MOK: variants seen among roughly 807,000 people sequenced by gnomAD.
MOK encodes MOK protein kinase.
A neutral mutation model predicts 54.2 loss-of-function variants in MOK; 59 were observed. That is an observed-to-expected ratio of 1.09 (90% CI 0.88 to 1.35). MOK has a LOEUF of 1.35. Ranked by LOEUF, MOK falls within the 40% of genes most tolerant of loss-of-function variation. MOK has a pLI of 0.00. For synonymous variants in MOK, 210 were observed against 202.7 expected, an observed-to-expected ratio of 1.04 and a Z score of -0.31; for missense variants, 517 against 526.2, an observed-to-expected ratio of 0.98 and a Z score of 0.17.
chr14:102,286,856 G>T (rs1412405911), intron 1 of MOK, among the ~76,000 whole-genome samples: 2 of 151,550 alleles, frequency 1.3e-5, no homozygotes, highest in Admixed American at 1.3e-4. Context: ...GTTGCAGTAA[G>T]CTGAGATTGC....
intron 7 of MOK, among the ~76,000 whole-genome samples, chr14:102,250,067 T>C (rs980028404): frequency 6.6e-6 from 1 of 152,174 alleles, no homozygotes. Context: ...GAAATTGCCA[T>C]TCAGCTTTCC....
chr14:102,234,071 GGCT>G (rs1235266565), intron 7 of MOK: 1 of 308,462 alleles, frequency 3.2e-6, no homozygotes, highest in African/African-American at 2.2e-5. Context: ...GTAAGCTTGG[GGCT>G]GCTTCCTCTG....
intron 1 of MOK, among the ~76,000 whole-genome samples, chr14:102,288,897 C>CTTAAT (rs2070436554): frequency 1.3e-5 from 2 of 152,098 alleles, no homozygotes. Flanking sequence ...GTAAGTGCAG[C>CTTAAT]TTTGTTTTGT....
intron 4 of MOK, among the ~76,000 whole-genome samples, chr14:102,256,446 T>C (rs929111186): frequency 6.6e-6 from 1 of 151,500 alleles, no homozygotes; most frequent in African/African-American, 2.4e-5. Context: ...TGGTGGCGGG[T>C]GTCTGTAGTC....
At chr14:102,222,949 C>T (rs2064088788), downstream of MOK, 20 of 1,594,992 alleles carry the variant, frequency 1.3e-5, 1 homozygote, top group African/African-American at 6.7e-5. This position sits in a 1 kb window ranked among gnomAD's most constrained non-coding sequence, Gnocchi z 4.4. Context: ...GGAGGAGCTC[C>T]GAGCTGCGCC....
Position 102,229,502 on chromosome 14 carries a change from T to G in MOK, c.1137A>C (p.Arg379Ser). Residue 379 changes from arginine to serine, a missense_variant, in exon 11 of 12, where the codon AGA becomes AGC. Coordinates refer to ENST00000361847, the MANE Select transcript of MOK (RefSeq NM_014226.3). ...ACTTCAAGGGTCTCAGCACCGGCAC[T>G]CTTCCATTTGTTCCAGATCCAAGCA... ...QSVLGSGTNG[R>S]VPVLRPLKCI... The G allele has an allele frequency of 6.2e-7, 1 of 1,614,158 alleles. No homozygotes were observed. The highest frequency in any genetic ancestry group is 8.5e-7 in the Non-Finnish European group (1 of 1,180,044).
chr14:102,302,857 G>C (rs757025008), intron 1 of MOK, among the ~76,000 whole-genome samples: 90 of 151,410 alleles, frequency 5.9e-4, no homozygotes, highest in Non-Finnish European at 5.3e-4. Context: ...CTAGGTAGTG[G>C]GGTATGAAGA....
the MOK span, among the ~76,000 whole-genome samples, chr14:102,218,354 G>A: frequency 6.6e-6 from 1 of 152,142 alleles, no homozygotes; most frequent in Non-Finnish European, 1.5e-5. Flanking sequence ...GGGTCGTGGG[G>A]GTCAGAAGGG....
chr14:102,294,339 G>A (rs1280521204), intron 1 of MOK, among the ~76,000 whole-genome samples: 5 of 152,012 alleles, frequency 3.3e-5, no homozygotes, highest in South Asian at 2.1e-4. Flanking sequence ...CCAGCTACTC[G>A]GGAGGCTGAG....
chr14:102,229,619 T>A lies in MOK; in HGVS notation c.1020A>T (p.Arg340Ser), dbSNP rs756949555. The change falls in exon 11 of 12, where the codon AGA becomes AGT. Residue 340 changes from arginine (R) to serine (S), a missense_variant. By Grantham distance (110) the Arg-to-Ser change is moderately radical. Coordinates refer to ENST00000361847, the MANE Select transcript of MOK (RefSeq NM_014226.3). Reference sequence around the variant, plus strand: ...GTTCCATGACATAGGCCGGTCCTCGTCTCTTGGGACGGTCCTCCTCTTGCT... The same window carrying A: ...GTTCCATGACATAGGCCGGTCCTCGACTCTTGGGACGGTCCTCCTCTTGCT... ...SLKQEEDRPK[R>S]RGPAYVMELP... The A allele has an allele frequency of 2.5e-6, 4 of 1,613,948 alleles. No homozygotes were observed. The highest frequency in any genetic ancestry group is 3.4e-6 in the Non-Finnish European group (4 of 1,179,960).
At chr14:102,222,088 GC>G (rs1008691060), downstream of MOK, among the ~76,000 whole-genome samples, 4 of 147,188 alleles carry the variant, frequency 2.7e-5, no homozygotes, top group Non-Finnish European at 6.0e-5. The surrounding 1 kb of genome is among the most constrained non-coding windows in gnomAD (Gnocchi z 4.4). Context: ...GAGATTCCCC[GC>G]CCCCGCCCCC....
chr14:102,273,273 A>C (rs2153153062), intron 2 of MOK, among the ~76,000 whole-genome samples: 1 of 144,790 alleles, frequency 6.9e-6, no homozygotes, highest in East Asian at 1.9e-4. Flanking sequence ...ACCAAAACAT[A>C]CTAGAACAAA....
chr14:102,283,378 C>T (rs1319194341), intron 2 of MOK, 100 bp downstream of exon 2: 19 of 689,974 alleles, frequency 2.8e-5, no homozygotes, highest in Admixed American at 1.2e-4. Flanking sequence ...TTGTATCTTA[C>T]ATATTATTAA....
At chr14:102,274,910 G>C (rs545854401) in intron 2 of MOK, among the ~76,000 whole-genome samples, 5 of 151,278 alleles carry the variant, frequency 3.3e-5, no homozygotes, top group African/African-American at 1.2e-4. Context: ...AGGAGGCAGA[G>C]GTTGCAGTGA....
At chr14:102,221,426 T>C (rs2063882916), downstream of MOK, among the ~76,000 whole-genome samples, 1 of 152,214 alleles carries the variant, frequency 6.6e-6, no homozygotes, top group South Asian at 2.1e-4. This position sits in a 1 kb window ranked among gnomAD's most constrained non-coding sequence, Gnocchi z 4.8. Context: ...TCCTCCAGAC[T>C]GTCTGCGGCA....
intron 1 of MOK, among the ~76,000 whole-genome samples, chr14:102,286,128 T>C (rs1250876916): frequency 6.7e-6 from 1 of 149,210 alleles, no homozygotes; most frequent in Non-Finnish European, 1.5e-5. Context: ...TGAAACCCCG[T>C]CTCTACTAAA....
downstream of MOK, among the ~76,000 whole-genome samples, chr14:102,220,302 T>C (rs529618859): frequency 2.0e-5 from 3 of 152,308 alleles, no homozygotes; most frequent in African/African-American, 7.2e-5. This position sits in a 1 kb window ranked among gnomAD's most constrained non-coding sequence, Gnocchi z 4.2. Flanking sequence ...AGTATGTAAA[T>C]TGGGGCCAGT....
chr14:102,285,860 C>A (rs1355776306), intron 1 of MOK, among the ~76,000 whole-genome samples: 3 of 152,070 alleles, frequency 2.0e-5, no homozygotes. Context: ...CCACTGCACT[C>A]CAGCTTGGGG....
chr14:102,296,260 A>AT (rs2071404657), intron 1 of MOK, among the ~76,000 whole-genome samples: 1 of 151,904 alleles, frequency 6.6e-6, no homozygotes, highest in African/African-American at 2.4e-5. Flanking sequence ...AAAAAAAAAA[A>AT]AAATAGCAAG....
Sources: allele counts gnomAD v4.1 joint callset (sites outside exome capture counted in the v4.1 genomes callset), GRCh38; gene constraint gnomAD v4.1.1; non-coding constraint Gnocchi (gnomAD v3.1); transcripts MANE v1.5; gene names NCBI Gene and HGNC (gene_info 2026-07-23, HGNC 2026-07-21).